The following NHSL1 variants were observed in gnomAD, a reference collection of about 807,000 sequenced individuals.
NHSL1 encodes NHS like 1.
NHSL1 carries 48 observed loss-of-function variants against 95.0 expected under a neutral mutation model. The observed-to-expected ratio is 0.51, with a 90% CI of 0.40 to 0.64. The LOEUF (loss-of-function observed/expected upper bound fraction) is 0.64. NHSL1 is among the 30% of genes least tolerant of loss of function. NHSL1 has a pLI of 0.00. For synonymous variants in NHSL1, 783 were observed against 833.9 expected, an observed-to-expected ratio of 0.94 and a Z score of 1.05; for missense variants, 1,971 against 2,077.7, an observed-to-expected ratio of 0.95 and a Z score of 1.00.
At chr6:138,458,842 C>CA (rs767005610) in intron 3 of NHSL1, among the ~76,000 whole-genome samples, 1,389 of 119,898 alleles carry the variant, frequency 0.012, 13 homozygotes, top group Non-Finnish European at 0.012. Context: ...AAAAAAAAAA[C>CA]AAAAAAAAAA....
chr6:138,476,652 C>A (rs1194541472), intron 2 of NHSL1, among the ~76,000 whole-genome samples: 1 of 151,804 alleles, frequency 6.6e-6, no homozygotes, highest in Non-Finnish European at 1.5e-5. Flanking sequence ...CACAGAAAAA[C>A]CCCCGTCTCT....
At chr6:138,499,155 A>C in intron 1 of NHSL1, 78 bp downstream of exon 1, 1 of 527,298 alleles carries the variant, frequency 1.9e-6, no homozygotes, top group Non-Finnish European at 3.0e-6. Context: ...ACACACACAC[A>C]CACAGACACA....
At chr6:138,657,721 A>G (rs919385259) in intron 1 of NHSL1, among the ~76,000 whole-genome samples, 4 of 147,906 alleles carry the variant, frequency 2.7e-5, no homozygotes, top group African/African-American at 1.0e-4. Flanking sequence ...AGGCAGAGGC[A>G]GGAGAATGGT....
rs201829535 is a variant in NHSL1, at chr6:138,640,090, G to GT, written c.96+52385dup. 6.1e-3 allele frequency among the ~76,000 whole-genome samples: 922 copies of GT among 152,084 alleles called. 27 individuals are homozygous for GT. Among genetic ancestry groups the GT allele is most frequent in the Admixed American group, 0.046 (704 of 15,256 alleles). On this transcript the variant is annotated intron_variant, in intron 1 of 3. Coordinates refer to the NHSL1 transcript ENST00000491526. The stretch of plus-strand genomic sequence containing the variant: ...AAAGCGCTGCACATTTCTGCAGCAT[G>GT]TCCCCCTTCTGAATAATCTATAGGT...
chr6:138,517,393 A>G (rs1192845760), intron 1 of NHSL1, among the ~76,000 whole-genome samples: 1 of 152,232 alleles, frequency 6.6e-6, no homozygotes, highest in Non-Finnish European at 1.5e-5. Context: ...ATGACATAAA[A>G]AGCTTTCTCT....
chr6:138,619,216 T>C (rs1784621141), intron 1 of NHSL1, among the ~76,000 whole-genome samples: 1 of 152,166 alleles, frequency 6.6e-6, no homozygotes, highest in Non-Finnish European at 1.5e-5. Flanking sequence ...TGGAAGCCTG[T>C]AATCCAAGCT....
intron 1 of NHSL1, among the ~76,000 whole-genome samples, chr6:138,618,260 C>G (rs1321058946): frequency 6.6e-6 from 1 of 152,176 alleles, no homozygotes; most frequent in South Asian, 2.1e-4. Context: ...CAGGCCCCAA[C>G]CCCTGGAGAT....
At chr6:138,617,357 G>C (rs959169332) in intron 1 of NHSL1, among the ~76,000 whole-genome samples, 6 of 152,142 alleles carry the variant, frequency 3.9e-5, no homozygotes, top group African/African-American at 1.4e-4. Context: ...ACCTCACAGG[G>C]AAGAGGACAG....
At chr6:138,661,665 T>TAA (rs1204471376) in intron 1 of NHSL1, among the ~76,000 whole-genome samples, 12 of 129,138 alleles carry the variant, frequency 9.3e-5, no homozygotes, top group African/African-American at 3.1e-4. Flanking sequence ...TTGTCTCAAA[T>TAA]AAAAAAAAAA....
intron 2 of NHSL1, among the ~76,000 whole-genome samples, chr6:138,482,451 A>G (rs1463362808): frequency 6.6e-6 from 1 of 151,712 alleles, no homozygotes; most frequent in Non-Finnish European, 1.5e-5. Flanking sequence ...GTCTCAAAAA[A>G]AAAAAAAAAA....
At chr6:138,549,862 G>A (rs981320124), upstream of NHSL1, among the ~76,000 whole-genome samples, 5 of 152,110 alleles carry the variant, frequency 3.3e-5, no homozygotes, top group African/African-American at 1.2e-4. Context: ...ATCACTATCT[G>A]AAAACTTCAC....
chr6:138,644,871 A>G (rs1056302711), intron 1 of NHSL1, among the ~76,000 whole-genome samples: 3 of 152,330 alleles, frequency 2.0e-5, no homozygotes, highest in East Asian at 3.9e-4. Context: ...CTTACTATCT[A>G]TAGGCACAGA....
chr6:138,494,760 A>G (rs757627094), intron 2 of NHSL1, among the ~76,000 whole-genome samples: 23 of 152,196 alleles, frequency 1.5e-4, no homozygotes, highest in Non-Finnish European at 2.4e-4. Flanking sequence ...TTGGTATACT[A>G]AAGTCCCAAA....
chr6:138,570,321 A>T (rs550307172), intron 1 of NHSL1, among the ~76,000 whole-genome samples: 1 of 152,314 alleles, frequency 6.6e-6, no homozygotes, highest in African/African-American at 2.4e-5. Context: ...CCACCCTCCA[A>T]ACATTTTTGT....
At chr6:138,544,497 CA>C (rs1396181573) in intron 1 of NHSL1, among the ~76,000 whole-genome samples, 2 of 152,026 alleles carry the variant, frequency 1.3e-5, no homozygotes. Context: ...ACACCAAGTT[CA>C]ATATTAAAGA....
intron 1 of NHSL1, among the ~76,000 whole-genome samples, chr6:138,632,831 A>G (rs1477258198): frequency 6.6e-6 from 1 of 152,172 alleles, no homozygotes; most frequent in Admixed American, 6.5e-5. Flanking sequence ...ATATCAAGAC[A>G]TTCCAGGAAA....
chr6:138,655,855 C>T (rs58246202), intron 1 of NHSL1, among the ~76,000 whole-genome samples: 6,097 of 152,164 alleles, frequency 0.04, 318 homozygotes, highest in African/African-American at 0.12. Context: ...TAATACAACA[C>T]CAATTACTCT....
At chr6:138,578,826 C>T (rs1220123208) in intron 1 of NHSL1, among the ~76,000 whole-genome samples, 1 of 152,204 alleles carries the variant, frequency 6.6e-6, no homozygotes, top group African/African-American at 2.4e-5. Context: ...GATGCTAGTG[C>T]ACAGACTGTA....
At chr6:138,591,713 T>G (rs918642091) in intron 1 of NHSL1, among the ~76,000 whole-genome samples, 20 of 152,186 alleles carry the variant, frequency 1.3e-4, no homozygotes, top group African/African-American at 4.8e-4. Flanking sequence ...ATTACAGGTG[T>G]GAGCCACCCT....
Sources: gnomAD v4.1 joint callset for allele counts (sites outside exome capture counted in the v4.1 genomes callset) on GRCh38, gnomAD v4.1.1 for gene constraint, MANE v1.5 for transcripts, NCBI Gene and HGNC (gene_info 2026-07-23, HGNC 2026-07-21) for gene names.